BLVRB: variants seen among roughly 807,000 people sequenced by gnomAD.
BLVRB encodes the protein flavin reductase (NADPH).
In BLVRB, 25 loss-of-function variants were observed where a neutral mutation model predicts 21.1. The ratio of observed to expected loss-of-function variants is 1.19; its 90% CI spans 0.86 to 1.66. The LOEUF is 1.66. BLVRB is among the 40% of genes most tolerant of loss of function. BLVRB has a pLI of 0.00. For missense variants in BLVRB, 274 were observed against 282.7 expected, an observed-to-expected ratio of 0.97 and a Z score of 0.22; for synonymous variants, 128 against 122.2, an observed-to-expected ratio of 1.05 and a Z score of -0.31.
chr19:40,456,925 A>T (rs1334871564), intron 3 of BLVRB, among the ~76,000 whole-genome samples: 2 of 152,058 alleles, frequency 1.3e-5, no homozygotes, highest in African/African-American at 4.8e-5. Flanking sequence ...CATCTCAAAG[A>T]AAAAAAGACA....
At chr19:40,450,166 T>C (rs903001736) in intron 4 of BLVRB, 1 of 112,404 alleles carries the variant, frequency 8.9e-6, no homozygotes, top group South Asian at 3.1e-4. Flanking sequence ...ACCACTGTAC[T>C]CCAGCCTGGC....
At chr19:40,458,089 G>T in intron 3 of BLVRB, 66 bp downstream of exon 3, 1 of 1,475,972 alleles carries the variant, frequency 6.8e-7, no homozygotes, top group Non-Finnish European at 9.4e-7. Flanking sequence ...TCACCTTTCA[G>T]AGGCCCCTGG....
intron 3 of BLVRB, among the ~76,000 whole-genome samples, chr19:40,454,554 C>CT (rs766395951): frequency 1.1e-3 from 158 of 147,246 alleles, no homozygotes; most frequent in Non-Finnish European, 1.8e-3. Flanking sequence ...TTTCTTTTTT[C>CT]TTTTTTTTTT....
chr19:40,451,656 C>T (rs2079740778), intron 3 of BLVRB, among the ~76,000 whole-genome samples, 164 bp from the exon 4 acceptor site: 1 of 152,074 alleles, frequency 6.6e-6, no homozygotes, highest in Admixed American at 6.5e-5. Flanking sequence ...CCTCAGCCTC[C>T]CCAGTAGCTG....
chr19:40,452,897 A>AAC (rs2079746492), intron 3 of BLVRB, among the ~76,000 whole-genome samples: 1 of 144,700 alleles, frequency 6.9e-6, no homozygotes, highest in African/African-American at 2.8e-5. Flanking sequence ...AAACAAAACA[A>AAC]AAAAAACACA....
At chr19:40,463,117 G>C (rs1375245100) in intron 1 of BLVRB, among the ~76,000 whole-genome samples, 1 of 152,154 alleles carries the variant, frequency 6.6e-6, no homozygotes, top group African/African-American at 2.4e-5. Flanking sequence ...AGTTTGAGAA[G>C]CATCAGGTTG....
chr19:40,461,158 C>T (rs1056429116), intron 1 of BLVRB, among the ~76,000 whole-genome samples: 6 of 152,122 alleles, frequency 3.9e-5, no homozygotes, highest in East Asian at 1.9e-4. Flanking sequence ...GCTGGGATTA[C>T]AGGCATGAGC....
chr19:40,465,475 C>A, intron 1 of BLVRB, 135 bp downstream of exon 1: 2 of 1,095,706 alleles, frequency 1.8e-6, no homozygotes, highest in Non-Finnish European at 2.6e-6. Flanking sequence ...TGGCCACTTG[C>A]TTTGGCCCCT....
At position 40,454,638 on chromosome 19, in the gene BLVRB, C is replaced by T. The variant is rs578035841; in HGVS notation, c.335-3146G>A. On this transcript the variant is annotated intron_variant, in intron 3 of 4. Coordinates refer to ENST00000263368, the MANE Select transcript of BLVRB (RefSeq NM_000713.3). ...TCAGCTCACTGCAAGCTCCTCCTCC[C>T]GGGTTTACGCCATTCTCCTGCCTCA... is the stretch of plus-strand genomic sequence containing the variant. Among the ~76,000 whole-genome samples the T allele has an allele frequency of 1.3e-4, 19 of 151,158 alleles. 1 individual carries two copies. Among genetic ancestry groups the T allele is most frequent in the Middle Eastern group, 3.5e-3 (1 of 284 alleles).
In BLVRB at chr19:40,447,835, C is replaced by T. The variant is rs1679863336; in HGVS notation, c.*54G>A. ...CTCTTGGCTCAACATTTATTGCCCC[C>T]TTCCTTTGCTCCTCATGTCCCAGAA... On this transcript the variant is annotated 3_prime_UTR_variant, in exon 5 of 5. Transcript: ENST00000263368. The T allele has an allele frequency of 1.3e-6, 2 of 1,580,412 alleles. No homozygotes were observed. Among genetic ancestry groups the T allele is most frequent in the African/African-American group, 2.7e-5 (2 of 74,314 alleles).
Position 40,447,876 on chromosome 19 carries a change from T to A in BLVRB, c.*13A>T, listed in dbSNP as rs746002639. The A allele has an allele frequency of 6.2e-7, 1 of 1,606,236 alleles. No individual in the cohort carries two copies. The highest frequency in any genetic ancestry group is 1.1e-5 in the South Asian group (1 of 90,776). On this transcript the variant is annotated 3_prime_UTR_variant, in exon 5 of 5. Transcript: ENST00000263368. ...TGTCCCAGAATGCCACCCTCCCAGA[T>A]GGGGACAGAGTGCTACTGGTACTGG...
chr19:40,451,294 C>A (rs2145777195), intron 4 of BLVRB, 70 bp downstream of exon 4: 6 of 1,556,760 alleles, frequency 3.9e-6, no homozygotes, highest in Middle Eastern at 1.9e-4. Context: ...GAAGGCCTTG[C>A]AGATCTCCCC....
rs112765215 is a variant in BLVRB, at chr19:40,450,952, A to G, written c.463+412T>C. On this transcript the variant is annotated intron_variant, in intron 4 of 4. Coordinates refer to ENST00000263368, the MANE Select transcript of BLVRB (RefSeq NM_000713.3). ...GCGGGGCATGGTGATGCAGGCCTGT[A>G]ATCCCAGCTACTCAGGAGGCTGAAG... Among the ~76,000 whole-genome samples the G allele has an allele frequency of 2.6e-3, 306 of 118,452 alleles. 1 individual carries two copies. Among genetic ancestry groups the G allele is most frequent in the African/African-American group, 9.2e-3 (292 of 31,582 alleles). The allele number at this position is 118,452 out of a possible 152,430, so 77.7% of individuals were successfully genotyped here.
intron 3 of BLVRB, among the ~76,000 whole-genome samples, chr19:40,454,572 G>A (rs1402235039): frequency 8.1e-6 from 1 of 123,370 alleles, no homozygotes; most frequent in Non-Finnish European, 1.7e-5. Flanking sequence ...TTTTGAGGCA[G>A]TCTCGCTCTG....
chr19:40,456,433 T>G (rs2079762440), intron 3 of BLVRB, among the ~76,000 whole-genome samples: 1 of 150,550 alleles, frequency 6.6e-6, no homozygotes, highest in South Asian at 2.1e-4. Context: ...TATGTTTGTT[T>G]TTTTTTTAAT....
At position 40,447,902 on chromosome 19, in the gene BLVRB, T is replaced by C. The variant is rs748506660; in HGVS notation, c.608A>G (p.His203Arg). The C allele has an allele frequency of 1.9e-6, 3 of 1,613,714 alleles. No individual in the cohort carries two copies. Among genetic ancestry groups the C allele is most frequent in the South Asian group, 2.2e-5 (2 of 91,050 alleles). Residue 203 changes from histidine to arginine, a missense_variant, in exon 5 of 5, where the codon CAC becomes CGC. Coordinates refer to ENST00000263368, the MANE Select transcript of BLVRB (RefSeq NM_000713.3). ...GGGGACAGAGTGCTACTGGTACTGG[T>C]GGGAGGGGTAGGTGCTGTGTCCGTC... is the stretch of plus-strand genomic sequence containing the variant. ...EYDGHSTYPS[H>R]QYQ is the part of the protein sequence containing the mutation.
chr19:40,454,007 G>C, intron 3 of BLVRB, among the ~76,000 whole-genome samples: 1 of 152,062 alleles, frequency 6.6e-6, no homozygotes, highest in East Asian at 1.9e-4. Context: ...TAAATAAATA[G>C]TTTGAGTAAT....
At chr19:40,448,608 A>ATAACAACAACAAATATATATATAT (rs1249673226) in intron 4 of BLVRB, among the ~76,000 whole-genome samples, 2 of 126,366 alleles carry the variant, frequency 1.6e-5, no homozygotes, top group African/African-American at 5.7e-5. Context: ...AACAACAACA[A>ATAACAACAACAAATATATATATAT]ATATATATAT....
At chr19:40,449,408 G>C (rs1427387534) in intron 4 of BLVRB, among the ~76,000 whole-genome samples, 1 of 151,914 alleles carries the variant, frequency 6.6e-6, no homozygotes, top group South Asian at 2.1e-4. Flanking sequence ...ACCACACCTG[G>C]CTAATTTTTG....
Sources: gnomAD v4.1 joint callset for allele counts (sites outside exome capture counted in the v4.1 genomes callset) on GRCh38, gnomAD v4.1.1 for gene constraint, MANE v1.5 for transcripts, NCBI Gene and HGNC (gene_info 2026-07-23, HGNC 2026-07-21) for gene names.